Variants in DUS2 observed in about 807,000 individuals in gnomAD.
DUS2 encodes tRNA-dihydrouridine(20) synthase [NAD(P)+]-like.
DUS2 carries 52 observed loss-of-function variants against 71.3 expected under a neutral mutation model. The observed-to-expected ratio is 0.73, with a 90% confidence interval of 0.58 to 0.92. The LOEUF (loss-of-function observed/expected upper bound fraction) is 0.92, where lower values mean the gene tolerates loss of function less well. DUS2 is among the 40% of genes least tolerant of loss of function. The pLI is 0.00. For missense variants in DUS2, 558 were observed against 622.6 expected (o/e 0.90, Z 1.10); for synonymous variants, 204 against 227.8 (o/e 0.90, Z 0.94).
intron 7 of DUS2, among the ~76,000 whole-genome samples, chr16:68,056,924 TAATA>T (rs1722240891): frequency 7.0e-6 from 1 of 143,062 alleles, no homozygotes. Flanking sequence ...TATAATATAA[TAATA>T]CACATATATG....
intron 12 of DUS2, 76 bp downstream of exon 12, chr16:68,071,184 C>A: frequency 6.7e-7 from 1 of 1,500,552 alleles, no homozygotes; most frequent in Non-Finnish European, 9.2e-7. Flanking sequence ...TTTGTGTGAG[C>A]CCCCAGCTGC....
intron 2 of DUS2, among the ~76,000 whole-genome samples, chr16:68,028,463 A>G (rs976680953): frequency 1.1e-4 from 16 of 151,900 alleles, no homozygotes; most frequent in Non-Finnish European, 1.5e-4. Context: ...GTGAAACCCC[A>G]TCCCTACTAA....
intron 4 of DUS2, among the ~76,000 whole-genome samples, chr16:68,052,158 G>A (rs1336124358): frequency 1.3e-5 from 2 of 151,602 alleles, no homozygotes; most frequent in African/African-American, 2.4e-5. Flanking sequence ...CACCCGCCTC[G>A]GCCTCCCAAA....
intron 5 of DUS2, 98 bp downstream of exon 5, chr16:68,053,753 T>C (rs2033812468): frequency 1.6e-6 from 2 of 1,236,684 alleles, no homozygotes; most frequent in Non-Finnish European, 2.4e-6. Flanking sequence ...ATACCTGGGG[T>C]ACATTGTACA....
intron 12 of DUS2, among the ~76,000 whole-genome samples, chr16:68,072,993 C>T (rs2034108860): frequency 6.6e-6 from 1 of 152,186 alleles, no homozygotes; most frequent in African/African-American, 2.4e-5. Flanking sequence ...GGGAAGGTGC[C>T]CATTCTGGTT....
At chr16:68,062,346 A>C (rs1186378010) in intron 8 of DUS2, among the ~76,000 whole-genome samples, 1 of 152,020 alleles carries the variant, frequency 6.6e-6, no homozygotes, top group Non-Finnish European at 1.5e-5. Flanking sequence ...AAACCCCTTG[A>C]AGTAGATAGG....
chr16:68,056,120 G>C (rs2033847969), intron 6 of DUS2, among the ~76,000 whole-genome samples: 1 of 151,960 alleles, frequency 6.6e-6, no homozygotes, highest in Non-Finnish European at 1.5e-5. Context: ...TCTTCATCTA[G>C]CCCTTTATAG....
chr16:68,049,147 G>A (rs796240110), intron 3 of DUS2, among the ~76,000 whole-genome samples: 9 of 152,278 alleles, frequency 5.9e-5, no homozygotes, highest in African/African-American at 2.2e-4. Flanking sequence ...CCTTTGCTGA[G>A]GGATAGGTGG....
At chr16:68,056,213 T>C (rs1488911877) in intron 6 of DUS2, 151 bp from the exon 7 acceptor site, 1 of 599,068 alleles carries the variant, frequency 1.7e-6, no homozygotes, top group Admixed American at 3.3e-5. Context: ...TTCTTTCCCA[T>C]TTTTCAGCTT....
chr16:68,065,949 G>C (rs1435105489), intron 8 of DUS2, among the ~76,000 whole-genome samples: 1 of 152,100 alleles, frequency 6.6e-6, no homozygotes, highest in African/African-American at 2.4e-5. Flanking sequence ...AAATAATAGT[G>C]TGGAATTCAA....
intron 15 of DUS2, chr16:68,077,323 C>T (rs913447881): frequency 2.0e-5 from 3 of 152,172 alleles, no homozygotes; most frequent in African/African-American, 4.8e-5. Flanking sequence ...CCTCCTTCCT[C>T]AGCCTCCCAA....
rs776987845 is a variant in DUS2, at chr16:68,061,131, G to T, written c.417+18G>T. 6.2e-7 allele frequency: 1 copy of T among 1,613,740 alleles called. No homozygotes were observed. The highest frequency in any genetic ancestry group is 2.2e-5 in the East Asian group (1 of 44,872). ...TTGAGAAGGTAAGTCCTCCACGAGT[G>T]AAAGCAGGGGTCCTCAAACACAGCT... On this transcript the variant is annotated intron_variant, in intron 8 of 16. Transcript: ENST00000565263.
chr16:68,061,087 C>T lies in DUS2; in HGVS notation c.391C>T (p.Leu131=). ...STKGGMGAAL[L]SDPDKIEKIL... is the part of the protein sequence containing the mutation. ...TTAGGGAGGAATGGGAGCTGCCCTG[C>T]TGTCAGACCCTGACAAGATTGAGAA... The change falls in exon 8 of 17, where the codon CTG becomes TTG. Residue 131 remains leucine (L), a synonymous_variant. Coordinates refer to ENST00000565263, the MANE Select transcript of DUS2 (RefSeq NM_017803.5). The T allele has an allele frequency of 2.5e-6, 4 of 1,614,054 alleles. No individual in the cohort carries two copies. The highest frequency in any genetic ancestry group is 3.4e-6 in the Non-Finnish European group (4 of 1,179,968).
At chr16:68,069,160 G>A (rs905306253) in intron 10 of DUS2, among the ~76,000 whole-genome samples, 1 of 152,116 alleles carries the variant, frequency 6.6e-6, no homozygotes, top group Non-Finnish European at 1.5e-5. Context: ...AGGCCGAGGC[G>A]GGTGGATCAC....
At chr16:68,033,284 T>A (rs1191987801) in intron 2 of DUS2, among the ~76,000 whole-genome samples, 1 of 152,058 alleles carries the variant, frequency 6.6e-6, no homozygotes, top group African/African-American at 2.4e-5. Context: ...TTAGTTATAT[T>A]TTGAAGGTTA....
chr16:68,051,667 A>G (rs2033780778), intron 4 of DUS2, among the ~76,000 whole-genome samples: 1 of 152,214 alleles, frequency 6.6e-6, no homozygotes, highest in African/African-American at 2.4e-5. Context: ...CTGGGATTAC[A>G]GGACTTAGCC....
chr16:68,038,272 A>G lies in DUS2; in HGVS notation c.126+123A>G, dbSNP rs2033564499. The G allele has an allele frequency of 5.9e-6, 8 of 1,366,642 alleles. No homozygotes were observed. The South Asian group carries it at 1.1e-4, about 19-fold the overall frequency. 84.7% of individuals were successfully genotyped at this position (1,366,642 alleles called of 1,614,324 possible). A position where few individuals can be genotyped will look rare whatever the true frequency, so the allele number is the denominator to read the frequency against. ...GAATTGACTTTATAGGTGTTCACCAAAGGCTGGAGGAGACAAACATGTGTG... is the reference window on the plus strand; with the variant it reads ...GAATTGACTTTATAGGTGTTCACCAGAGGCTGGAGGAGACAAACATGTGTG... On this transcript the variant is annotated intron_variant, in intron 3 of 16. Transcript: ENST00000565263.
At chr16:68,068,036 T>C (rs2034034260) in intron 10 of DUS2, among the ~76,000 whole-genome samples, 1 of 152,222 alleles carries the variant, frequency 6.6e-6, no homozygotes, top group African/African-American at 2.4e-5. Context: ...ACAATCCTTC[T>C]AGCTGTAGCT....
At chr16:68,037,472 C>A (rs562190343) in intron 2 of DUS2, among the ~76,000 whole-genome samples, 1 of 147,562 alleles carries the variant, frequency 6.8e-6, no homozygotes, top group Admixed American at 7.0e-5. Flanking sequence ...GGCGGGGGTA[C>A]AATGGTGCCA....
Sources: allele counts gnomAD v4.1 joint callset (sites outside exome capture counted in the v4.1 genomes callset), GRCh38; gene constraint gnomAD v4.1.1; transcripts MANE v1.5; gene names NCBI Gene and HGNC (gene_info 2026-07-23, HGNC 2026-07-21).